The following THEMIS variants were observed in gnomAD, a reference collection of about 807,000 sequenced individuals.
THEMIS encodes the protein thymocyte selection associated.
A neutral mutation model predicts 52.6 loss-of-function variants in THEMIS; 37 were observed. That is an observed-to-expected ratio of 0.70 (90% CI 0.54 to 0.93). THEMIS has a LOEUF of 0.93. THEMIS is among the 40% of genes least tolerant of loss of function. The probability of loss-of-function intolerance (pLI) is 0.00; values close to 1 mark genes in which losing one functional copy is unlikely to be tolerated. For missense variants in THEMIS, 808 were observed against 763.1 expected (o/e 1.06, Z -0.69); for synonymous variants, 292 against 272.7 (o/e 1.07, Z -0.70).
chr6:127,904,532 C>T (rs1444853143), upstream of THEMIS, among the ~76,000 whole-genome samples: 2 of 152,026 alleles, frequency 1.3e-5, no homozygotes, highest in African/African-American at 4.8e-5. Context: ...ATTCTTGCTG[C>T]CAGATAGAAG....
At chr6:127,827,542 CAT>C (rs1193016192) in intron 3 of THEMIS, among the ~76,000 whole-genome samples, 1 of 152,196 alleles carries the variant, frequency 6.6e-6, no homozygotes, top group Non-Finnish European at 1.5e-5. Context: ...TCTTGGTTAA[CAT>C]AAATTCACAG....
chr6:127,811,536 G>A (rs1777907426), intron 4 of THEMIS, among the ~76,000 whole-genome samples: 1 of 152,184 alleles, frequency 6.6e-6, no homozygotes, highest in Non-Finnish European at 1.5e-5. Context: ...GATAATCCAA[G>A]ATAATCTCAT....
In THEMIS at chr6:127,832,777, C is replaced by CTT. The variant is rs11355741; in HGVS notation, c.251-2845_251-2844dup. 1.9e-3 allele frequency among the ~76,000 whole-genome samples: 109 copies of CTT among 57,800 alleles called. 8 individuals are homozygous for CTT. Among genetic ancestry groups the CTT allele is most frequent in the Middle Eastern group, 0.019 (1 of 52 alleles). The allele number at this position is 57,800 out of a possible 152,430, so 37.9% of individuals were successfully genotyped here. A position where few individuals can be genotyped will look rare whatever the true frequency, so the allele number is the denominator to read the frequency against. ...CTATTTCCACCTAGGATTGTCAGAT[C>CTT]TTTTTTTTTTTTTTTTTTTTTTTTG... is the stretch of plus-strand genomic sequence containing the variant. On this transcript the variant is annotated intron_variant, in intron 2 of 5. Transcript: ENST00000368248.
intron 1 of THEMIS, among the ~76,000 whole-genome samples, chr6:127,914,359 A>C (rs920035881): frequency 1.3e-5 from 2 of 152,174 alleles, no homozygotes; most frequent in African/African-American, 4.8e-5. Flanking sequence ...CACTTTGTAA[A>C]TTCCTAAGGG....
chr6:127,916,451 A>C (rs1040445170), intron 1 of THEMIS, among the ~76,000 whole-genome samples: 3 of 152,244 alleles, frequency 2.0e-5, no homozygotes, highest in Admixed American at 1.3e-4. Flanking sequence ...GAAGATGATT[A>C]ATGGTGCCTT....
chr6:127,714,003 T>A (rs528331673), intron 5 of THEMIS, among the ~76,000 whole-genome samples: 19 of 151,944 alleles, frequency 1.3e-4, no homozygotes, highest in Non-Finnish European at 2.8e-4. Context: ...TAGCTTAGAC[T>A]TGGTTGGTAG....
At chr6:127,805,735 G>A (rs531612767) in intron 4 of THEMIS, among the ~76,000 whole-genome samples, 17 of 152,076 alleles carry the variant, frequency 1.1e-4, no homozygotes, top group East Asian at 9.7e-4. Context: ...AAACATCACC[G>A]AAGATTAAAA....
intron 5 of THEMIS, among the ~76,000 whole-genome samples, chr6:127,716,361 A>T (rs925599712): frequency 4.6e-5 from 7 of 151,856 alleles, no homozygotes; most frequent in Admixed American, 6.6e-5. Context: ...TCCTCCTCAG[A>T]ACTAAATAAT....
chr6:127,751,543 G>A (rs1235350924), intron 4 of THEMIS, among the ~76,000 whole-genome samples: 1 of 151,528 alleles, frequency 6.6e-6, no homozygotes, highest in African/African-American at 2.4e-5. Flanking sequence ...TACTTTATAT[G>A]AGACAAAACA....
intron 4 of THEMIS, among the ~76,000 whole-genome samples, chr6:127,735,102 G>GC (rs1411036806): frequency 4.0e-5 from 6 of 151,336 alleles, no homozygotes; most frequent in Non-Finnish European, 8.8e-5. Flanking sequence ...TATAGTCTCA[G>GC]CAGACGAAAA....
At chr6:127,746,787 ATAT>A (rs1251006206) in intron 4 of THEMIS, among the ~76,000 whole-genome samples, 3 of 47,104 alleles carry the variant, frequency 6.4e-5, no homozygotes, top group African/African-American at 1.2e-4. Flanking sequence ...ATATAATTAT[ATAT>A]TATTATATAA....
chr6:127,812,877 C>A lies in THEMIS; in HGVS notation c.1758+6G>T. ...CAGAGAAAACATTGCAAAACCATAG[C>A]CTTACCTTGGGAGACTTGGGCAGGT... On this transcript the variant is annotated splice_donor_region_variant and intron_variant, in intron 4 of 5. Coordinates refer to ENST00000368248, the MANE Select transcript of THEMIS (RefSeq NM_001010923.3). 1 of 1,581,942 alleles carries A rather than the reference C, an allele frequency of 6.3e-7. No homozygotes were observed. The highest frequency in any genetic ancestry group is 8.6e-7 in the Non-Finnish European group (1 of 1,163,834).
chr6:127,719,973 A>G, intron 4 of THEMIS, 150 bp from the exon 5 acceptor site: 4 of 1,048,410 alleles, frequency 3.8e-6, no homozygotes, highest in Non-Finnish European at 5.4e-6. Flanking sequence ...ATGTTCATCA[A>G]TATATTTTGG....
intron 4 of THEMIS, among the ~76,000 whole-genome samples, chr6:127,770,094 T>C (rs1456119749): frequency 2.0e-5 from 3 of 152,230 alleles, no homozygotes; most frequent in African/African-American, 7.2e-5. Flanking sequence ...TGTGTGCATG[T>C]GTCTTTATAA....
intron 2 of THEMIS, among the ~76,000 whole-genome samples, chr6:127,853,507 T>G (rs537582222): frequency 6.6e-6 from 1 of 151,544 alleles, no homozygotes. Flanking sequence ...AAAAGATGAG[T>G]AAGAAAGAAA....
intron 4 of THEMIS, among the ~76,000 whole-genome samples, chr6:127,742,694 A>T (rs2114285606): frequency 6.6e-6 from 1 of 152,286 alleles, no homozygotes; most frequent in Non-Finnish European, 1.5e-5. Flanking sequence ...TTATGATGTC[A>T]CTTACATGAG....
chr6:127,888,905 T>A (rs955240269), intron 1 of THEMIS, among the ~76,000 whole-genome samples: 7 of 152,110 alleles, frequency 4.6e-5, no homozygotes, highest in Non-Finnish European at 8.8e-5. Context: ...CTTTAGAATA[T>A]GCCTGGTTTT....
At chr6:127,764,138 C>T (rs12214409) in intron 4 of THEMIS, among the ~76,000 whole-genome samples, 23,124 of 151,764 alleles carry the variant, frequency 0.15, 1,969 homozygotes, top group African/African-American at 0.23. Flanking sequence ...TTATGATTGG[C>T]AATATTTACT....
downstream of THEMIS, among the ~76,000 whole-genome samples, chr6:127,706,596 G>A (rs1287967888): frequency 6.6e-6 from 1 of 152,118 alleles, no homozygotes; most frequent in Non-Finnish European, 1.5e-5. Context: ...ACAGTCTAGT[G>A]TAAAGGAGAC....
Sources: gnomAD v4.1 joint callset for allele counts (sites outside exome capture counted in the v4.1 genomes callset) on GRCh38, gnomAD v4.1.1 for gene constraint, MANE v1.5 for transcripts, NCBI Gene and HGNC (gene_info 2026-07-23, HGNC 2026-07-21) for gene names.